Variants in PARD3B observed in about 807,000 individuals in gnomAD.
PARD3B encodes the protein par-3 family cell polarity regulator beta.
Under a neutral mutation model 130.2 loss-of-function variants are expected in PARD3B, and 103 were observed. The ratio of observed to expected loss-of-function variants is 0.79; its 90% CI spans 0.67 to 0.93. The LOEUF (loss-of-function observed/expected upper bound fraction) is 0.93. Among genes scored for constraint, PARD3B ranks in the 40% least tolerant of loss-of-function variants. The pLI, the probability that PARD3B is intolerant of heterozygous loss-of-function variation, is 0.00. For synonymous variants in PARD3B, 583 were observed against 553.2 expected (o/e 1.05, Z -0.76); for missense variants, 1,609 against 1,499.2 (o/e 1.07, Z -1.21).
chr2:205,283,952 T>G (rs957727682), intron 16 of PARD3B, among the ~76,000 whole-genome samples: 12 of 152,154 alleles, frequency 7.9e-5, no homozygotes, highest in African/African-American at 2.9e-4. Flanking sequence ...GCTCTTACCT[T>G]GGGGAAGTTA....
intron 16 of PARD3B, among the ~76,000 whole-genome samples, chr2:205,278,928 G>A (rs1201903051): frequency 1.3e-5 from 2 of 151,720 alleles, no homozygotes; most frequent in African/African-American, 4.8e-5. Context: ...AAAATTAGCT[G>A]AGTGTGATGG....
intron 16 of PARD3B, chr2:205,293,502 G>A (rs879836934): frequency 1.3e-5 from 2 of 152,060 alleles, no homozygotes; most frequent in Admixed American, 1.3e-4. Context: ...CTTGGCAGTA[G>A]GTAAAATTAA....
intron 1 of PARD3B, among the ~76,000 whole-genome samples, chr2:204,549,094 T>C (rs2030237897): frequency 6.6e-6 from 1 of 152,318 alleles, no homozygotes; most frequent in Non-Finnish European, 1.5e-5. Flanking sequence ...ATTTGTGGAA[T>C]GTTGGGAACC....
intron 1 of PARD3B, among the ~76,000 whole-genome samples, chr2:204,658,783 CA>C (rs2035714480): frequency 6.6e-6 from 1 of 152,036 alleles, no homozygotes; most frequent in African/African-American, 2.4e-5. Flanking sequence ...ACTCTAGATC[CA>C]ACAAAAGTCC....
intron 22 of PARD3B, among the ~76,000 whole-genome samples, chr2:205,599,263 T>C (rs889935400): frequency 6.6e-6 from 1 of 152,190 alleles, no homozygotes; most frequent in Non-Finnish European, 1.5e-5. Flanking sequence ...TTTTAAAGGC[T>C]CATGGTAGAT....
chr2:205,144,430 T>C (rs538338518), intron 10 of PARD3B, among the ~76,000 whole-genome samples: 1 of 152,346 alleles, frequency 6.6e-6, no homozygotes, highest in Non-Finnish European at 1.5e-5. Context: ...ATAAATTCCT[T>C]CACTTTTCCT....
At chr2:205,482,451 T>G (rs1377881018) in intron 20 of PARD3B, 2 of 152,212 alleles carry the variant, frequency 1.3e-5, no homozygotes, top group Non-Finnish European at 2.9e-5. Context: ...GGATTGTTTT[T>G]TAAAGTTTAG....
intron 15 of PARD3B, among the ~76,000 whole-genome samples, chr2:205,198,001 T>C (rs1559533612): frequency 6.6e-6 from 1 of 152,218 alleles, no homozygotes; most frequent in Non-Finnish European, 1.5e-5. Flanking sequence ...CATAAAAATC[T>C]TTAATTTCCA....
intron 1 of PARD3B, among the ~76,000 whole-genome samples, chr2:204,637,921 C>G (rs1434481688): frequency 6.6e-6 from 1 of 151,858 alleles, no homozygotes; most frequent in African/African-American, 2.4e-5. Context: ...AGTGGAAGAC[C>G]CTGACAGAAA....
At position 205,121,497 on chromosome 2, in the gene PARD3B, C is replaced by T; in HGVS notation, c.807-94C>T. 1 of 1,049,576 alleles carries T rather than the reference C, an allele frequency of 9.5e-7. No homozygotes were observed. Among genetic ancestry groups the T allele is most frequent in the Non-Finnish European group, 1.4e-6 (1 of 702,878 alleles). The allele number at this position is 1,049,576 out of a possible 1,614,324, so 65.0% of individuals were successfully genotyped here. A position where few individuals can be genotyped will look rare whatever the true frequency, so the allele number is the denominator to read the frequency against. On this transcript the variant is annotated intron_variant, in intron 7 of 22. Coordinates refer to ENST00000406610, the MANE Select transcript of PARD3B (RefSeq NM_001302769.2). This position sits in a 1 kb window ranked among gnomAD's most constrained non-coding sequence, Gnocchi z 5.0. ...TGATCGTGTCTCCTATGATTAGCCACTGTGCTGCTCTTGGTTGCCATCCTC... is the reference window on the plus strand; with the variant it reads ...TGATCGTGTCTCCTATGATTAGCCATTGTGCTGCTCTTGGTTGCCATCCTC...
At chr2:204,649,529 A>G (rs1574617769) in intron 1 of PARD3B, among the ~76,000 whole-genome samples, 2 of 152,044 alleles carry the variant, frequency 1.3e-5, no homozygotes, top group African/African-American at 4.8e-5. Context: ...ATTATTATGC[A>G]TGGTACTGGT....
rs750133651 is a variant in PARD3B, at chr2:205,572,557, C to A, written c.3260+19154C>A. Among the ~76,000 whole-genome samples, 8 of 152,138 alleles carry A rather than the reference C, an allele frequency of 5.3e-5. No individual in the cohort carries two copies. Among genetic ancestry groups the A allele is most frequent in the African/African-American group, 1.9e-4 (8 of 41,432 alleles). ...CTCAGGAGTTTGAGACCACCCCAAA[C>A]AACATGGTGAAACCTCATCTCTACT... On this transcript the variant is annotated intron_variant, in intron 22 of 22. Transcript: ENST00000406610. This position sits in a 1 kb window ranked among gnomAD's most constrained non-coding sequence, Gnocchi z 4.2.
At chr2:205,501,454 T>C (rs1164652682) in intron 21 of PARD3B, among the ~76,000 whole-genome samples, 1 of 152,182 alleles carries the variant, frequency 6.6e-6, no homozygotes, top group Non-Finnish European at 1.5e-5. Context: ...ACAGATTAGA[T>C]AACAATTCAC....
chr2:204,787,941 GGGGGCCTCCTGATCAT>G (rs1383188081), intron 2 of PARD3B, among the ~76,000 whole-genome samples: 5 of 152,160 alleles, frequency 3.3e-5, no homozygotes, highest in African/African-American at 1.2e-4. Flanking sequence ...CGGAGCTCCT[GGGGGCCTCCTGATCAT>G]CATCTCTGCA....
chr2:204,975,050 G>A (rs1175197215), intron 3 of PARD3B, among the ~76,000 whole-genome samples: 1 of 151,968 alleles, frequency 6.6e-6, no homozygotes, highest in Non-Finnish European at 1.5e-5. Context: ...CATATATAAC[G>A]ATTGTTCTAA....
At position 204,558,792 on chromosome 2, in the gene PARD3B, T is replaced by C. The variant is rs573204628; in HGVS notation, c.120+12673T>C. On this transcript the variant is annotated intron_variant, in intron 1 of 22. Coordinates refer to ENST00000406610, the MANE Select transcript of PARD3B (RefSeq NM_001302769.2). ...CATCATGCTACCTGACTTCAAACTA[T>C]ACTACAAGGCTACAGTAACCAAAAC... 2.0e-5 allele frequency among the ~76,000 whole-genome samples: 3 copies of C among 152,242 alleles called. No individual in the cohort carries two copies. In the East Asian group the frequency reaches 5.8e-4, roughly 29 times the overall value.
At chr2:205,246,290 C>T (rs2039569860) in intron 16 of PARD3B, among the ~76,000 whole-genome samples, 1 of 149,216 alleles carries the variant, frequency 6.7e-6, no homozygotes, top group African/African-American at 2.5e-5. Context: ...GGGATGTATG[C>T]ATTATTTTTA....
intron 4 of PARD3B, among the ~76,000 whole-genome samples, chr2:205,100,894 TAAAAC>T (rs934045283): frequency 3.9e-5 from 6 of 152,100 alleles, no homozygotes; most frequent in South Asian, 2.1e-4. Context: ...ATTCTTATAA[TAAAAC>T]AAAGGTGTAC....
intron 2 of PARD3B, among the ~76,000 whole-genome samples, chr2:204,716,868 T>C (rs1169158803): frequency 6.6e-6 from 1 of 152,092 alleles, no homozygotes; most frequent in African/African-American, 2.4e-5. Context: ...GTGATCTGCC[T>C]GCGTCGGCCT....
Sources: allele counts gnomAD v4.1 joint callset (sites outside exome capture counted in the v4.1 genomes callset), GRCh38; gene constraint gnomAD v4.1.1; non-coding constraint Gnocchi (gnomAD v3.1); transcripts MANE v1.5; gene names NCBI Gene and HGNC (gene_info 2026-07-23, HGNC 2026-07-21).